Variants in SDK1 observed in about 807,000 individuals in gnomAD.
The protein encoded by SDK1 is protein sidekick-1.
SDK1 carries 157 observed loss-of-function variants against 245.5 expected under a neutral mutation model. The observed-to-expected ratio is 0.64, with a 90% CI of 0.56 to 0.73. SDK1 has a LOEUF of 0.73. Among genes scored for constraint, SDK1 ranks in the 30% least tolerant of loss-of-function variants. The pLI is 0.00. For synonymous variants in SDK1, 1,647 were observed against 1,278.5 expected, an observed-to-expected ratio of 1.29 and a Z score of -6.15; for missense variants, 3,583 against 3,002.3, an observed-to-expected ratio of 1.19 and a Z score of -4.52.
intron 1 of SDK1, among the ~76,000 whole-genome samples, chr7:3,514,541 T>A (rs1782678563): frequency 6.6e-6 from 1 of 152,166 alleles, no homozygotes. Context: ...TGTCAGTCAC[T>A]GCTCGCCATT....
rs114643342 is a variant in SDK1, at chr7:3,672,964, C to G, written c.713+30859C>G. On this transcript the variant is annotated intron_variant, in intron 4 of 44. Coordinates refer to ENST00000404826, the MANE Select transcript of SDK1 (RefSeq NM_152744.4). The stretch of plus-strand genomic sequence containing the variant: ...TTTCTAGATGCATCTTTTAATATTA[C>G]TTCCTCTTTTATTCCTTTTTTCTAT... 1.7e-3 allele frequency among the ~76,000 whole-genome samples: 251 copies of G among 150,902 alleles called. 1 individual carries two copies. The highest frequency in any genetic ancestry group is 6.0e-3 in the African/African-American group (245 of 41,092).
At chr7:3,829,142 A>C (rs568497950) in intron 5 of SDK1, among the ~76,000 whole-genome samples, 1 of 152,354 alleles carries the variant, frequency 6.6e-6, no homozygotes, top group South Asian at 2.1e-4. Flanking sequence ...ATACTGAAAT[A>C]GTAAAACATT....
chr7:3,461,300 C>A (rs1187316241), intron 1 of SDK1, among the ~76,000 whole-genome samples: 1 of 152,182 alleles, frequency 6.6e-6, no homozygotes, highest in Non-Finnish European at 1.5e-5. Context: ...CTGTGAGCGA[C>A]ATGGTCTGTT....
At chr7:3,528,082 G>A (rs920920817) in intron 1 of SDK1, among the ~76,000 whole-genome samples, 12 of 150,106 alleles carry the variant, frequency 8.0e-5, no homozygotes, top group African/African-American at 2.7e-4. Context: ...ATCATAGCCA[G>A]CTAGGGGGTG....
chr7:3,636,875 C>G (rs1393637298), intron 2 of SDK1, among the ~76,000 whole-genome samples: 1 of 152,166 alleles, frequency 6.6e-6, no homozygotes. Flanking sequence ...AGTAGCCATC[C>G]TAACAGGAGT....
intron 5 of SDK1, among the ~76,000 whole-genome samples, chr7:3,949,450 C>A (rs1362198882): frequency 2.0e-5 from 3 of 152,220 alleles, no homozygotes; most frequent in Admixed American, 2.0e-4. Context: ...CCGCGGCCCT[C>A]ACCCCACCGC....
chr7:4,012,102 C>G lies in SDK1; in HGVS notation c.2287C>G (p.Leu763Val). 1.3e-6 allele frequency: 2 copies of G among 1,549,050 alleles called. No individual in the cohort carries two copies. The highest frequency in any genetic ancestry group is 8.7e-7 in the Non-Finnish European group (1 of 1,149,618). The change falls in exon 16 of 45, where the codon CTA (leucine) becomes GTA (valine). Residue 763 changes from leucine to valine, a missense_variant. Transcript: ENST00000404826. Reference sequence around the variant, plus strand: ...CCCGTCTTTTATTTATAGGTTGATGCTACCTGAAGAACCACCCAGTGCTCC... The same window carrying G: ...CCCGTCTTTTATTTATAGGTTGATGGTACCTGAAGAACCACCCAGTGCTCC... Reference protein sequence around the residue: ...QYSAETSRLMLPEEPPSAPPK... With the variant: ...QYSAETSRLMVPEEPPSAPPK...
rs895878220 is a variant in SDK1 at position 4,120,563 on chromosome 7, A to G, written c.3823+6289A>G. 4.0e-5 allele frequency among the ~76,000 whole-genome samples: 6 copies of G among 149,090 alleles called. 2 individuals carry two copies. Among genetic ancestry groups the G allele is most frequent in the Admixed American group, 3.3e-4 (5 of 15,004 alleles). ...CAGAAAACAGCAAAGTAAATGCTAT[A>G]TAAAAATGAAGACAATTTAATCAAA... On this transcript the variant is annotated intron_variant, in intron 25 of 44. Coordinates refer to ENST00000404826, the MANE Select transcript of SDK1 (RefSeq NM_152744.4).
chr7:3,394,367 C>T (rs1191271243), intron 1 of SDK1, among the ~76,000 whole-genome samples: 2 of 152,030 alleles, frequency 1.3e-5, no homozygotes, highest in Non-Finnish European at 2.9e-5. Context: ...GAATTTATTG[C>T]TGGATTCGTA....
chr7:3,640,055 C>G (rs1782602315), intron 3 of SDK1, among the ~76,000 whole-genome samples: 1 of 152,108 alleles, frequency 6.6e-6, no homozygotes, highest in Non-Finnish European at 1.5e-5. Context: ...AGGGATCGCA[C>G]TGCATTGCCC....
chr7:3,672,759 T>TTATATATATATA (rs60760676), intron 4 of SDK1, among the ~76,000 whole-genome samples: 18 of 50,746 alleles, frequency 3.5e-4, no homozygotes, highest in East Asian at 6.3e-4. Context: ...ATATATAATT[T>TTATATATATATA]TATATATATA....
At chr7:4,174,579 A>G (rs1415787640) in intron 33 of SDK1, among the ~76,000 whole-genome samples, 1 of 152,136 alleles carries the variant, frequency 6.6e-6, no homozygotes, top group Non-Finnish European at 1.5e-5. Context: ...GGCCTTGTCT[A>G]CCACAGACTG....
chr7:3,652,826 G>A (rs962038053), intron 4 of SDK1, among the ~76,000 whole-genome samples: 3 of 152,312 alleles, frequency 2.0e-5, no homozygotes, highest in East Asian at 1.9e-4. Context: ...ATTCAGAAGC[G>A]AGGGTCATGT....
chr7:3,402,770 C>A (rs73034704), intron 1 of SDK1, among the ~76,000 whole-genome samples: 4,910 of 152,126 alleles, frequency 0.032, 144 homozygotes, highest in African/African-American at 0.061. Flanking sequence ...ATTTTTGAGT[C>A]TATTAGTTAA....
At chr7:4,124,509 T>TA (rs2128195462) in intron 25 of SDK1, among the ~76,000 whole-genome samples, 1 of 152,290 alleles carries the variant, frequency 6.6e-6, no homozygotes, top group East Asian at 1.9e-4. Flanking sequence ...GCACTAGTCA[T>TA]ACTGGATCAG....
intron 32 of SDK1, among the ~76,000 whole-genome samples, chr7:4,172,971 G>C (rs1781943971): frequency 6.6e-6 from 1 of 152,210 alleles, no homozygotes; most frequent in South Asian, 2.1e-4. Flanking sequence ...AATAAGGTCA[G>C]GTTCACAGGC....
chr7:4,037,983 A>G (rs1392373529), intron 17 of SDK1, among the ~76,000 whole-genome samples: 1 of 152,190 alleles, frequency 6.6e-6, no homozygotes, highest in Non-Finnish European at 1.5e-5. Flanking sequence ...TATATGGTAG[A>G]TACTGTAGTG....
chr7:3,601,729 A>C (rs1781259705), intron 1 of SDK1, among the ~76,000 whole-genome samples: 1 of 151,846 alleles, frequency 6.6e-6, no homozygotes, highest in African/African-American at 2.4e-5. Flanking sequence ...CACAACGTGC[A>C]GGTTTGTTAC....
intron 24 of SDK1, 97 bp from the exon 25 acceptor site, chr7:4,113,940 C>A: frequency 1.1e-6 from 1 of 876,316 alleles, no homozygotes; most frequent in Non-Finnish European, 1.8e-6. Flanking sequence ...ACACCTCCTC[C>A]ACGGAGTTGG....
Sources: gnomAD v4.1 joint callset for allele counts (sites outside exome capture counted in the v4.1 genomes callset) on GRCh38, gnomAD v4.1.1 for gene constraint, MANE v1.5 for transcripts, NCBI Gene and HGNC (gene_info 2026-07-23, HGNC 2026-07-21) for gene names.